The following PIK3R3 variants were observed in gnomAD, a reference collection of about 807,000 sequenced individuals.
PIK3R3 encodes the protein phosphatidylinositol 3-kinase regulatory subunit gamma.
Under a neutral mutation model 62.9 loss-of-function variants are expected in PIK3R3, and 64 were observed. The observed-to-expected ratio is 1.02, with a 90% CI of 0.83 to 1.25. The LOEUF is 1.25. Ranked by LOEUF, PIK3R3 falls within the 50% of genes most tolerant of loss-of-function variation. The probability of loss-of-function intolerance (pLI) is 0.00; values close to 1 mark genes in which losing one functional copy is unlikely to be tolerated. For missense variants in PIK3R3, 614 were observed against 561.6 expected (o/e 1.09, Z -0.94); for synonymous variants, 165 against 189.0 (o/e 0.87, Z 1.04).
chr1:46,171,626 C>A, the PIK3R3 span, among the ~76,000 whole-genome samples: 1 of 152,016 alleles, frequency 6.6e-6, no homozygotes. Flanking sequence ...TCCAGCCTGG[C>A]GCCCCAGGGG....
intron 1 of PIK3R3, among the ~76,000 whole-genome samples, chr1:46,129,410 T>TTTAG (rs1655382674): frequency 3.3e-5 from 4 of 122,964 alleles, no homozygotes; most frequent in Non-Finnish European, 1.9e-5. Context: ...ATTTTATTTA[T>TTTAG]TTATTTATTT....
chr1:46,171,735 A>G, the PIK3R3 span, among the ~76,000 whole-genome samples: 1 of 151,826 alleles, frequency 6.6e-6, no homozygotes, highest in South Asian at 2.1e-4. Context: ...TGGGGAACCT[A>G]TTTCTCTAGA....
At chr1:46,155,113 A>G in the PIK3R3 span, among the ~76,000 whole-genome samples, 1 of 152,188 alleles carries the variant, frequency 6.6e-6, no homozygotes, top group Non-Finnish European at 1.5e-5. Flanking sequence ...TGAACCCAGG[A>G]GTTGAAGACC....
chr1:46,119,407 T>A (rs1654468596), intron 1 of PIK3R3, among the ~76,000 whole-genome samples: 1 of 152,196 alleles, frequency 6.6e-6, no homozygotes, highest in Non-Finnish European at 1.5e-5. Flanking sequence ...CCCTACTTTT[T>A]GGGTGAGGAA....
the PIK3R3 span, among the ~76,000 whole-genome samples, chr1:46,162,904 C>T: frequency 5.3e-5 from 8 of 152,258 alleles, no homozygotes; most frequent in Non-Finnish European, 1.2e-4. Context: ...ATTACAGGCA[C>T]GAGCCACCAT....
At chr1:46,064,257 C>T (rs1648790373) in intron 5 of PIK3R3, among the ~76,000 whole-genome samples, 1 of 150,078 alleles carries the variant, frequency 6.7e-6, no homozygotes, top group African/African-American at 2.5e-5. Context: ...AAAAAAAGAG[C>T]TGGCCAGGCA....
At chr1:46,080,819 G>T in intron 1 of PIK3R3, 69 bp from the exon 2 acceptor site, 1 of 953,666 alleles carries the variant, frequency 1.0e-6, no homozygotes, top group Non-Finnish European at 1.7e-6. Context: ...CTCAGGAGCA[G>T]CTCACTAACC....
At chr1:46,083,134 G>A (rs1650758240) in intron 1 of PIK3R3, among the ~76,000 whole-genome samples, 1 of 152,080 alleles carries the variant, frequency 6.6e-6, no homozygotes, top group Non-Finnish European at 1.5e-5. Flanking sequence ...CAACATGGAT[G>A]TCAAAATAAT....
the PIK3R3 span, among the ~76,000 whole-genome samples, chr1:46,152,785 G>C: frequency 6.6e-6 from 1 of 151,984 alleles, no homozygotes; most frequent in African/African-American, 2.4e-5. Flanking sequence ...GGATGGTCTC[G>C]ATCTCCTGAC....
At chr1:46,061,835 G>T in intron 6 of PIK3R3, 94 bp downstream of exon 6, 1 of 1,207,582 alleles carries the variant, frequency 8.3e-7, no homozygotes, top group Non-Finnish European at 1.2e-6. Flanking sequence ...GGGCTGTGCA[G>T]TTTGAGGGGG....
chr1:46,112,274 A>G (rs2149456171), intron 1 of PIK3R3, among the ~76,000 whole-genome samples: 1 of 152,360 alleles, frequency 6.6e-6, no homozygotes, highest in Non-Finnish European at 1.5e-5. Context: ...CTCCAGGTAA[A>G]TACATACAGA....
intron 1 of PIK3R3, among the ~76,000 whole-genome samples, chr1:46,114,771 A>ATTTTTT (rs60059325): frequency 3.0e-5 from 3 of 99,298 alleles, no homozygotes; most frequent in Non-Finnish European, 3.9e-5. Flanking sequence ...AGCCTCACTA[A>ATTTTTT]TTTTTTTTTT....
At chr1:46,063,505 G>GAAGAAA (rs1212101500) in intron 5 of PIK3R3, among the ~76,000 whole-genome samples, 6 of 152,176 alleles carry the variant, frequency 3.9e-5, no homozygotes, top group Admixed American at 2.0e-4. Context: ...TACCTATAAA[G>GAAGAAA]TTCTGGCCCT....
chr1:46,132,115 C>T lies in PIK3R3; in HGVS notation c.-163G>A, dbSNP rs1030928632. The T allele has an allele frequency of 3.5e-6, 5 of 1,414,436 alleles. No individual in the cohort carries two copies. In the South Asian group the frequency reaches 7.6e-5, roughly 21 times the overall value. The allele number at this position is 1,414,436 out of a possible 1,614,324, so 87.6% of individuals were successfully genotyped here. On this transcript the variant is annotated 5_prime_UTR_variant, in exon 1 of 10. Transcript: ENST00000262741. ...TCCGGCCAAACTACCCGAACAGGGTCCTCCCCCTCTCTCCTACAGAACACA... is the reference window on the plus strand; with the variant it reads ...TCCGGCCAAACTACCCGAACAGGGTTCTCCCCCTCTCTCCTACAGAACACA...
chr1:46,145,829 G>GA, the PIK3R3 span, among the ~76,000 whole-genome samples: 1 of 152,180 alleles, frequency 6.6e-6, no homozygotes, highest in Non-Finnish European at 1.5e-5. Flanking sequence ...CTCCTTAGGA[G>GA]AACAGATCCA....
At chr1:46,067,253 C>T (rs867534061) in intron 3 of PIK3R3, among the ~76,000 whole-genome samples, 162 bp from the exon 4 acceptor site, 3 of 130,352 alleles carry the variant, frequency 2.3e-5, no homozygotes, top group Non-Finnish European at 4.8e-5. Flanking sequence ...TGTGTGTGAA[C>T]ATATATATAT....
At chr1:46,049,484 C>T (rs753798625) in intron 7 of PIK3R3, among the ~76,000 whole-genome samples, 11 of 152,220 alleles carry the variant, frequency 7.2e-5, no homozygotes, top group Admixed American at 2.6e-4. Flanking sequence ...TGACAGAAAA[C>T]GGTGCCTCAG....
rs1473260176 is a variant in PIK3R3 at position 46,046,083 on chromosome 1, T to C, written c.1022A>G (p.Tyr341Cys). 4 of 1,577,488 alleles carry C rather than the reference T, an allele frequency of 2.5e-6. No homozygotes were observed. In the East Asian group the frequency reaches 9.0e-5, roughly 35 times the overall value. The change falls in exon 9 of 10, where the codon TAT (tyrosine) becomes TGT (cysteine). Residue 341 changes from tyrosine (Y) to cysteine (C), a missense_variant. Coordinates refer to ENST00000262741, the MANE Select transcript of PIK3R3 (RefSeq NM_003629.4). ...GIKNEDADENYFINEEDENLP... is the reference protein window; with the variant it reads ...GIKNEDADENCFINEEDENLP... ...GTTTTCATCTTCCTCATTGATAAAA[T>C]AGTTCCTAAAAATTAAATATTAGTA... is the stretch of plus-strand genomic sequence containing the variant.
chr1:46,123,894 T>C (rs1654875124), intron 1 of PIK3R3, among the ~76,000 whole-genome samples: 2 of 152,186 alleles, frequency 1.3e-5, no homozygotes, highest in Non-Finnish European at 1.5e-5. Flanking sequence ...AGGTGAGGTA[T>C]TGAGGAACTG....
Sources: allele counts gnomAD v4.1 joint callset (sites outside exome capture counted in the v4.1 genomes callset), GRCh38; gene constraint gnomAD v4.1.1; transcripts MANE v1.5; gene names NCBI Gene and HGNC (gene_info 2026-07-23, HGNC 2026-07-21).